SLC25A14: variants seen among roughly 807,000 people sequenced by gnomAD.
The protein encoded by SLC25A14 is solute carrier family 25 member 14, also known as brain mitochondrial carrier protein 1.
In SLC25A14, 8 loss-of-function variants were observed where a neutral mutation model predicts 28.1. The observed-to-expected ratio is 0.28, with a 90% CI of 0.17 to 0.51. The LOEUF (loss-of-function observed/expected upper bound fraction) is 0.51. Among genes scored for constraint, SLC25A14 ranks in the 20% least tolerant of loss-of-function variants. The probability of loss-of-function intolerance (pLI) is 0.97; values close to 1 mark genes in which losing one functional copy is unlikely to be tolerated. For missense variants in SLC25A14, 135 were observed against 263.8 expected, an observed-to-expected ratio of 0.51 and a Z score of 3.38; for synonymous variants, 74 against 90.6, an observed-to-expected ratio of 0.82 and a Z score of 1.04.
Position 130,366,773 on chromosome X carries a change from G to C in SLC25A14, c.855+1097G>C, listed in dbSNP as rs190926012. Among the ~76,000 whole-genome samples the C allele has an allele frequency of 2.9e-3, 324 of 112,209 alleles. 1 individual carries two copies. Among genetic ancestry groups the C allele is most frequent in the Non-Finnish European group, 5.3e-3 (281 of 53,204 alleles). Reference sequence around the variant, plus strand: ...AGATTACTTTGGCTTTATGGAGACTGGATCTACCACAGTGGTTCCTCATCT... The same window carrying C: ...AGATTACTTTGGCTTTATGGAGACTCGATCTACCACAGTGGTTCCTCATCT... On this transcript the variant is annotated intron_variant, in intron 9 of 10. Coordinates refer to ENST00000545805, the MANE Select transcript of SLC25A14 (RefSeq NM_001282195.2).
chrX:130,365,250 T>C, intron 8 of SLC25A14: 1 of 851,235 alleles, frequency 1.2e-6, no homozygotes, highest in Non-Finnish European at 1.4e-6. Context: ...GTTTGAAAAA[T>C]TTATGTAACT....
intron 7 of SLC25A14, among the ~76,000 whole-genome samples, chrX:130,361,874 A>T: frequency 9.0e-6 from 1 of 111,693 alleles, no homozygotes; most frequent in East Asian, 2.8e-4. Context: ...ATTAACAGCC[A>T]ATTCAGTCTT....
intron 6 of SLC25A14, among the ~76,000 whole-genome samples, chrX:130,356,775 T>C (rs748547773): frequency 1.2e-4 from 14 of 112,071 alleles, no homozygotes; most frequent in Middle Eastern, 4.6e-3. Context: ...TTGATTCTTC[T>C]ATATCTTTGC....
intron 6 of SLC25A14, among the ~76,000 whole-genome samples, chrX:130,353,859 T>G (rs1382811646): frequency 8.9e-6 from 1 of 112,022 alleles, no homozygotes; most frequent in Non-Finnish European, 1.9e-5. Flanking sequence ...TCCAATCCAG[T>G]GGACATTTTA....
rs191948812 is a variant in SLC25A14, at chrX:130,358,564, T to C, written c.499-76T>C. On this transcript the variant is annotated intron_variant, in intron 6 of 10. Transcript: ENST00000545805. Reference sequence around the variant, plus strand: ...AAATTTTAGATGAATTTAAAATGAATTTAAATGAACTTAAAATGAATTTAG... The same window carrying C: ...AAATTTTAGATGAATTTAAAATGAACTTAAATGAACTTAAAATGAATTTAG... 1.8e-5 allele frequency: 12 copies of C among 660,022 alleles called. No homozygotes were observed. The African/African-American group carries it at 2.6e-4, about 15-fold the overall frequency. 54.4% of individuals were successfully genotyped at this position (660,022 alleles called of 1,213,427 possible). A position where few individuals can be genotyped will look rare whatever the true frequency, so the allele number is the denominator to read the frequency against.
At chrX:130,360,634 G>A (rs1324486211) in intron 7 of SLC25A14, among the ~76,000 whole-genome samples, 1 of 111,530 alleles carries the variant, frequency 9.0e-6, no homozygotes, top group East Asian at 2.8e-4. Flanking sequence ...GTAACAGCAG[G>A]GTACACTTGC....
In SLC25A14 at chrX:130,373,221, A is replaced by T. The variant is rs940587176; in HGVS notation, c.*271A>T. ...ATGGATACTGATGGGTGACATTGAA[A>T]ACGGCCTGCTTTCCAAATGTGGTTA... On this transcript the variant is annotated 3_prime_UTR_variant, in exon 11 of 11. Coordinates refer to ENST00000545805, the MANE Select transcript of SLC25A14 (RefSeq NM_001282195.2). 7 of 305,086 alleles carry T rather than the reference A, an allele frequency of 2.3e-5. No individual in the cohort carries two copies. Among genetic ancestry groups the T allele is most frequent in the Non-Finnish European group, 3.9e-5 (7 of 179,262 alleles). The allele number at this position is 305,086 out of a possible 1,213,427, so 25.1% of individuals were successfully genotyped here. A position where few individuals can be genotyped will look rare whatever the true frequency, so the allele number is the denominator to read the frequency against.
chrX:130,359,527 A>G (rs770570890), intron 7 of SLC25A14, among the ~76,000 whole-genome samples: 9 of 110,042 alleles, frequency 8.2e-5, no homozygotes, highest in African/African-American at 2.6e-4. Context: ...ACTTTTTGTC[A>G]TATTATCTTT....
intron 9 of SLC25A14, 25 bp downstream of exon 9, chrX:130,365,701 A>G (rs1255902935): frequency 8.8e-7 from 1 of 1,141,139 alleles, no homozygotes; most frequent in Non-Finnish European, 1.2e-6. Context: ...GATTTGGGTT[A>G]CAATTTGGCT....
intron 6 of SLC25A14, among the ~76,000 whole-genome samples, chrX:130,351,568 G>T (rs891209427): frequency 1.8e-5 from 2 of 111,337 alleles, no homozygotes; most frequent in Non-Finnish European, 3.8e-5. Context: ...ACTTATTAAC[G>T]TATTTAAGCT....
chrX:130,365,229 G>A, intron 8 of SLC25A14: 1 of 832,527 alleles, frequency 1.2e-6, no homozygotes, highest in Non-Finnish European at 1.4e-6. Flanking sequence ...CATTTGGCAT[G>A]TGATGCTGTG....
At chrX:130,359,797 A>G in intron 7 of SLC25A14, among the ~76,000 whole-genome samples, 1 of 111,405 alleles carries the variant, frequency 9.0e-6, no homozygotes, top group East Asian at 2.8e-4. Context: ...TGGCTGTTAA[A>G]GTTTGATCGT....
intron 3 of SLC25A14, among the ~76,000 whole-genome samples, chrX:130,345,683 C>T (rs1175935528): frequency 1.8e-5 from 2 of 111,635 alleles, no homozygotes; most frequent in African/African-American, 3.2e-5. Context: ...CTAACAAGAT[C>T]AAACAAGATT....
In SLC25A14 at chrX:130,343,211, G is replaced by A. The variant is rs144813251; in HGVS notation, c.76-1971G>A. 8.8e-3 allele frequency among the ~76,000 whole-genome samples: 988 copies of A among 112,110 alleles called. 33 individuals are homozygous for A. The highest frequency in any genetic ancestry group is 0.082 in the East Asian group (293 of 3,575). On this transcript the variant is annotated intron_variant, in intron 2 of 10. Coordinates refer to ENST00000545805, the MANE Select transcript of SLC25A14 (RefSeq NM_001282195.2). Reference sequence around the variant, plus strand: ...ACCTTTAAGACTATTTGGGGCAATCGATAAATTTGTGAATGGAGAGTTAAT... The same window carrying A: ...ACCTTTAAGACTATTTGGGGCAATCAATAAATTTGTGAATGGAGAGTTAAT...
intron 7 of SLC25A14, among the ~76,000 whole-genome samples, chrX:130,363,311 C>T (rs900630673): frequency 8.9e-6 from 1 of 112,350 alleles, no homozygotes; most frequent in Non-Finnish European, 1.9e-5. Flanking sequence ...TGTAGACTTT[C>T]GTGACTGGCT....
chrX:130,341,365 G>A (rs1160168562), intron 2 of SLC25A14, among the ~76,000 whole-genome samples: 1 of 112,655 alleles, frequency 8.9e-6, no homozygotes, highest in Non-Finnish European at 1.9e-5. Flanking sequence ...GAAAAGACAG[G>A]TTGAGTGGTA....
chrX:130,345,042 A>G, intron 2 of SLC25A14, 140 bp from the exon 3 acceptor site: 2 of 464,078 alleles, frequency 4.3e-6, no homozygotes, highest in South Asian at 6.8e-5. Flanking sequence ...AGGATCCCCC[A>G]TTTTTGTGTC....
chrX:130,357,234 T>C (rs909454081), intron 6 of SLC25A14, among the ~76,000 whole-genome samples: 5 of 112,192 alleles, frequency 4.5e-5, no homozygotes, highest in African/African-American at 1.3e-4. Flanking sequence ...AAAAAATTCA[T>C]GATGAACCAA....
chrX:130,366,292 A>G (rs1458434573), intron 9 of SLC25A14, among the ~76,000 whole-genome samples: 1 of 112,522 alleles, frequency 8.9e-6, no homozygotes, highest in Non-Finnish European at 1.9e-5. Context: ...ATAGGTATAC[A>G]AACGGATCAT....
Sources: allele counts gnomAD v4.1 joint callset (sites outside exome capture counted in the v4.1 genomes callset), GRCh38; gene constraint gnomAD v4.1.1; transcripts MANE v1.5; gene names NCBI Gene and HGNC (gene_info 2026-07-23, HGNC 2026-07-21).